Variants in CCSER1 observed in about 807,000 individuals in gnomAD.
The protein encoded by CCSER1 is coiled-coil serine rich protein 1, also known as serine-rich coiled-coil domain-containing protein 1.
In CCSER1, 41 loss-of-function variants were observed where a neutral mutation model predicts 82.0. That is an observed-to-expected ratio of 0.50 (90% CI 0.39 to 0.65). The LOEUF is 0.65. Ranked by LOEUF, CCSER1 falls within the 30% of genes least tolerant of loss-of-function variation. The pLI, the probability that CCSER1 is intolerant of heterozygous loss-of-function variation, is 0.00. For synonymous variants in CCSER1, 414 were observed against 383.9 expected (o/e 1.08, Z -0.92); for missense variants, 1,119 against 1,064.2 (o/e 1.05, Z -0.72).
At chr4:90,953,261 A>G (rs1733102482) in intron 9 of CCSER1, among the ~76,000 whole-genome samples, 1 of 151,952 alleles carries the variant, frequency 6.6e-6, no homozygotes, top group Non-Finnish European at 1.5e-5. Context: ...ACTGAAGGTG[A>G]TCATCTTAGA....
rs183304173 is a variant in CCSER1 at position 90,872,476 on chromosome 4, C to G, written c.2095-50894C>G. Reference sequence around the variant, plus strand: ...TTGCATAAACAACAAAAATAGCAAGCAAGTCAATATAAAATGAATAAAAAT... The same window carrying G: ...TTGCATAAACAACAAAAATAGCAAGGAAGTCAATATAAAATGAATAAAAAT... On this transcript the variant is annotated intron_variant, in intron 8 of 10. Transcript: ENST00000509176. 2.9e-3 allele frequency among the ~76,000 whole-genome samples: 448 copies of G among 152,012 alleles called. 5 individuals are homozygous for G. Among genetic ancestry groups the G allele is most frequent in the Admixed American group, 6.4e-3 (97 of 15,248 alleles).
At chr4:91,238,619 CTTATTA>C (rs751492338) in intron 10 of CCSER1, among the ~76,000 whole-genome samples, 4 of 151,862 alleles carry the variant, frequency 2.6e-5, no homozygotes, top group African/African-American at 7.2e-5. Context: ...TGTTGTTACT[CTTATTA>C]TTATTATTAT....
At chr4:90,793,180 T>G (rs888871408) in intron 7 of CCSER1, among the ~76,000 whole-genome samples, 2 of 152,234 alleles carry the variant, frequency 1.3e-5, no homozygotes, top group East Asian at 3.8e-4. Context: ...TTTTTCTTTT[T>G]TAAATTTAAC....
intron 10 of CCSER1, among the ~76,000 whole-genome samples, chr4:91,114,556 C>G (rs1449866215): frequency 6.6e-6 from 1 of 152,186 alleles, no homozygotes; most frequent in African/African-American, 2.4e-5. Context: ...GAAGAAAACA[C>G]TGTCAGAAAG....
intron 1 of CCSER1, among the ~76,000 whole-genome samples, chr4:90,152,941 T>C (rs1727167109): frequency 6.6e-6 from 1 of 151,618 alleles, no homozygotes; most frequent in African/African-American, 2.4e-5. Context: ...ATGTGCAGGT[T>C]AGTTACATAT....
intron 7 of CCSER1, among the ~76,000 whole-genome samples, chr4:90,793,430 C>A (rs1224567974): frequency 1.3e-5 from 2 of 152,124 alleles, no homozygotes; most frequent in Non-Finnish European, 2.9e-5. Flanking sequence ...TGAGAACATG[C>A]AGTATTTGGT....
At chr4:90,863,821 G>A (rs1260390201) in intron 8 of CCSER1, among the ~76,000 whole-genome samples, 1 of 151,688 alleles carries the variant, frequency 6.6e-6, no homozygotes, top group Non-Finnish European at 1.5e-5. Flanking sequence ...CTAAGTGGCA[G>A]CATGGTAGTT....
At chr4:91,009,861 AT>A (rs1243064343) in intron 9 of CCSER1, among the ~76,000 whole-genome samples, 2 of 152,154 alleles carry the variant, frequency 1.3e-5, no homozygotes, top group African/African-American at 4.8e-5. Flanking sequence ...TTAAAAACTT[AT>A]TGCAGCTATC....
chr4:91,376,878 G>C (rs1219947876), intron 10 of CCSER1, among the ~76,000 whole-genome samples: 1 of 145,238 alleles, frequency 6.9e-6, no homozygotes, highest in Non-Finnish European at 1.5e-5. Flanking sequence ...ATTTACATTA[G>C]GTATATCTCC....
intron 10 of CCSER1, among the ~76,000 whole-genome samples, chr4:91,373,194 G>T (rs1316172563): frequency 2.0e-5 from 3 of 150,172 alleles, no homozygotes; most frequent in Admixed American, 1.3e-4. Context: ...CATTTCTCCC[G>T]GTGCCAACAA....
chr4:91,302,952 A>G (rs537141451), intron 10 of CCSER1, among the ~76,000 whole-genome samples: 1 of 152,152 alleles, frequency 6.6e-6, no homozygotes, highest in African/African-American at 2.4e-5. Context: ...CTCAATGACA[A>G]CAAGGACTTT....
chr4:90,803,831 G>A (rs1757147042), intron 7 of CCSER1, among the ~76,000 whole-genome samples: 1 of 152,188 alleles, frequency 6.6e-6, no homozygotes, highest in African/African-American at 2.4e-5. Flanking sequence ...CCCACCAACA[G>A]TGTAAAAGTT....
At chr4:91,115,632 G>C (rs931127043) in intron 10 of CCSER1, among the ~76,000 whole-genome samples, 1 of 151,686 alleles carries the variant, frequency 6.6e-6, no homozygotes, top group Non-Finnish European at 1.5e-5. Flanking sequence ...TGTTATGTAC[G>C]CCTTCCATCT....
chr4:91,386,319 C>A (rs1305975599), intron 10 of CCSER1, among the ~76,000 whole-genome samples: 1 of 151,806 alleles, frequency 6.6e-6, no homozygotes, highest in African/African-American at 2.4e-5. Context: ...AATTTAATCT[C>A]CAAATAATTA....
chr4:91,103,917 A>G (rs747694364), intron 10 of CCSER1, among the ~76,000 whole-genome samples: 3 of 152,110 alleles, frequency 2.0e-5, no homozygotes, highest in Non-Finnish European at 4.4e-5. Context: ...TGCAAGTAGG[A>G]GAGATATCAC....
chr4:91,476,739 G>A lies in CCSER1; in HGVS notation c.2218-121833G>A, dbSNP rs144854758. ...ACAAATAGAACAGAATAATAGAATA[G>A]AGAACTCAGAAATAAATCTTACTCA... On this transcript the variant is annotated intron_variant, in intron 10 of 10. Transcript: ENST00000509176. 3.1e-3 allele frequency among the ~76,000 whole-genome samples: 464 copies of A among 151,376 alleles called. 2 individuals carry two copies. Among genetic ancestry groups the A allele is most frequent in the African/African-American group, 0.011 (451 of 41,368 alleles).
At chr4:90,975,385 T>C (rs1459795400) in intron 9 of CCSER1, among the ~76,000 whole-genome samples, 1 of 151,394 alleles carries the variant, frequency 6.6e-6, no homozygotes, top group Non-Finnish European at 1.5e-5. Flanking sequence ...TTGTCTATGC[T>C]AACCATTTTA....
chr4:90,768,511 A>G (rs1300440841), intron 7 of CCSER1, among the ~76,000 whole-genome samples: 1 of 152,178 alleles, frequency 6.6e-6, no homozygotes, highest in Non-Finnish European at 1.5e-5. Flanking sequence ...CTGCTGTAAT[A>G]AGTCTAAAAT....
At chr4:91,397,360 A>T (rs1366924577) in intron 10 of CCSER1, among the ~76,000 whole-genome samples, 1 of 152,024 alleles carries the variant, frequency 6.6e-6, no homozygotes, top group Non-Finnish European at 1.5e-5. Context: ...ACATAAGAAG[A>T]TGTACCTAAC....
Sources: allele counts gnomAD v4.1 joint callset (sites outside exome capture counted in the v4.1 genomes callset), GRCh38; gene constraint gnomAD v4.1.1; transcripts MANE v1.5; gene names NCBI Gene and HGNC (gene_info 2026-07-23, HGNC 2026-07-21).